Variants in MYL9 observed in about 807,000 individuals in gnomAD.
MYL9 encodes the protein myosin light chain 9.
MYL9 carries 7 observed loss-of-function variants against 12.8 expected under a neutral mutation model. The ratio of observed to expected loss-of-function variants is 0.55; its 90% CI spans 0.31 to 1.03. The LOEUF is 1.03. MYL9 is among the 50% of genes least tolerant of loss of function. MYL9 has a pLI of 0.05. For synonymous variants in MYL9, 81 were observed against 87.8 expected (o/e 0.92, Z 0.43); for missense variants, 190 against 242.7 (o/e 0.78, Z 1.44).
intron 1 of MYL9, among the ~76,000 whole-genome samples, chr20:36,544,268 G>T (rs980601463): frequency 6.6e-6 from 1 of 152,128 alleles, no homozygotes; most frequent in Non-Finnish European, 1.5e-5. Context: ...GGGTTTGACT[G>T]CCCAGAGCCT....
At chr20:36,546,286 G>T (rs892788905) in intron 2 of MYL9, among the ~76,000 whole-genome samples, 1 of 152,152 alleles carries the variant, frequency 6.6e-6, no homozygotes, top group East Asian at 1.9e-4. Flanking sequence ...CCCTCATGCC[G>T]AGTGACAGCA....
intron 2 of MYL9, among the ~76,000 whole-genome samples, chr20:36,547,405 G>C (rs1419270738): frequency 6.6e-6 from 1 of 152,210 alleles, no homozygotes; most frequent in African/African-American, 2.4e-5. Context: ...GGCTGCAATA[G>C]AAACCCAGCA....
Position 36,545,076 on chromosome 20 carries a change from G to A in MYL9, c.184+8G>A, listed in dbSNP as rs770279248. The A allele has an allele frequency of 5.0e-6, 8 of 1,613,052 alleles. No homozygotes were observed. In the East Asian group the frequency reaches 1.3e-4, roughly 27 times the overall value. ...ACATGCTGGCCTCGCTGGGTGAGCT[G>A]GGACAGGGACAGGGGTGAGATGGAT... On this transcript the variant is annotated splice_region_variant and intron_variant, in intron 2 of 3. Transcript: ENST00000279022.
intron 3 of MYL9, among the ~76,000 whole-genome samples, chr20:36,548,825 T>C (rs997067654): frequency 2.8e-4 from 42 of 152,138 alleles, no homozygotes; most frequent in African/African-American, 8.9e-4. Flanking sequence ...AAGTGACACC[T>C]CGGAGACAGT....
At chr20:36,546,864 T>C (rs540431462) in intron 2 of MYL9, among the ~76,000 whole-genome samples, 2 of 152,288 alleles carry the variant, frequency 1.3e-5, no homozygotes, top group East Asian at 3.9e-4. Flanking sequence ...CCCAAAGTAC[T>C]GGGATTACAG....
rs1177657199 is a variant in MYL9 at position 36,549,307 on chromosome 20, C to T, written c.*58C>T. On this transcript the variant is annotated 3_prime_UTR_variant, in exon 4 of 4. Coordinates refer to ENST00000279022, the MANE Select transcript of MYL9 (RefSeq NM_006097.5). ...CCAGTCACCCCTCCCCGCACACACC[C>T]GTCCATACCAGCTCCCTGCCCATGA... 16 of 1,405,056 alleles carry T rather than the reference C, an allele frequency of 1.1e-5. No homozygotes were observed. The highest frequency in any genetic ancestry group is 4.3e-5 in the African/African-American group (3 of 70,386). 87.0% of individuals were successfully genotyped at this position (1,405,056 alleles called of 1,614,324 possible). A position where few individuals can be genotyped will look rare whatever the true frequency, so the allele number is the denominator to read the frequency against.
Position 36,549,317 on chromosome 20 carries a change from A to T in MYL9, c.*68A>T. On this transcript the variant is annotated 3_prime_UTR_variant, in exon 4 of 4. Coordinates refer to ENST00000279022, the MANE Select transcript of MYL9 (RefSeq NM_006097.5). ...CTCCCCGCACACACCCGTCCATACC[A>T]GCTCCCTGCCCATGACCCTCGCTCA... 4 of 1,292,874 alleles carry T rather than the reference A, an allele frequency of 3.1e-6. No homozygotes were observed. Among genetic ancestry groups the T allele is most frequent in the Non-Finnish European group, 4.2e-6 (4 of 960,676 alleles). 80.1% of individuals were successfully genotyped at this position (1,292,874 alleles called of 1,614,324 possible). A position where few individuals can be genotyped will look rare whatever the true frequency, so the allele number is the denominator to read the frequency against.
Position 36,550,660 on chromosome 20 carries a change from G to A in MYL9, c.*1411G>A, listed in dbSNP as rs1176437581. 2.0e-5 allele frequency: 3 copies of A among 152,236 alleles called. No individual in the cohort carries two copies. Among genetic ancestry groups the A allele is most frequent in the Admixed American group, 1.3e-4 (2 of 15,278 alleles). 9.4% of individuals were successfully genotyped at this position (152,236 alleles called of 1,614,324 possible). A position where few individuals can be genotyped will look rare whatever the true frequency, so the allele number is the denominator to read the frequency against. On this transcript the variant is annotated 3_prime_UTR_variant, in exon 4 of 4. Coordinates refer to ENST00000279022, the MANE Select transcript of MYL9 (RefSeq NM_006097.5). ...GGAGCTGAGCACCAGGGGACCCTGT[G>A]CCTGACCAGGAGGCCCTAACCTCCT...
At chr20:36,545,841 A>AC (rs1192964083) in intron 2 of MYL9, among the ~76,000 whole-genome samples, 3 of 151,942 alleles carry the variant, frequency 2.0e-5, no homozygotes. Context: ...AATGGTGTGA[A>AC]CCTGGGAGGC....
intron 1 of MYL9, among the ~76,000 whole-genome samples, chr20:36,544,060 T>G (rs1007721038): frequency 6.6e-6 from 1 of 151,868 alleles, no homozygotes; most frequent in African/African-American, 2.4e-5. Flanking sequence ...TAGGTCAGGG[T>G]CTGTATGGGA....
rs2076693 is a variant in MYL9 at position 36,549,283 on chromosome 20, C to T, written c.*34C>T. On this transcript the variant is annotated 3_prime_UTR_variant, in exon 4 of 4. Coordinates refer to ENST00000279022, the MANE Select transcript of MYL9 (RefSeq NM_006097.5). The stretch of plus-strand genomic sequence containing the variant: ...AGCCCCCTGACACCCCAGCCCCCGC[C>T]AGTCACCCCTCCCCGCACACACCCG... 765 of 1,505,320 alleles carry T rather than the reference C, an allele frequency of 5.1e-4. 6 individuals are homozygous for T. The East Asian group carries it at 0.018, about 35-fold the overall frequency. The allele number at this position is 1,505,320 out of a possible 1,614,324, so 93.2% of individuals were successfully genotyped here. A position where few individuals can be genotyped will look rare whatever the true frequency, so the allele number is the denominator to read the frequency against.
At chr20:36,548,405 C>A (rs562808286) in intron 3 of MYL9, among the ~76,000 whole-genome samples, 1 of 152,358 alleles carries the variant, frequency 6.6e-6, no homozygotes, top group Admixed American at 6.5e-5. Flanking sequence ...ATCTCCCCCG[C>A]TGGCCCAATG....
At chr20:36,547,553 C>T (rs1349780416) in intron 2 of MYL9, among the ~76,000 whole-genome samples, 2 of 152,228 alleles carry the variant, frequency 1.3e-5, no homozygotes, top group Non-Finnish European at 2.9e-5. Flanking sequence ...GACAGCAAAG[C>T]ACTGTGTCTG....
rs2038156344 is a variant in MYL9 at position 36,550,544 on chromosome 20, TG to T, written c.*1297del. 1 of 152,642 alleles carries T rather than the reference TG, an allele frequency of 6.6e-6. No individual in the cohort carries two copies. Among genetic ancestry groups the T allele is most frequent in the African/African-American group, 2.4e-5 (1 of 41,320 alleles). The allele number at this position is 152,642 out of a possible 1,614,324, so 9.5% of individuals were successfully genotyped here. On this transcript the variant is annotated 3_prime_UTR_variant, in exon 4 of 4. Coordinates refer to ENST00000279022, the MANE Select transcript of MYL9 (RefSeq NM_006097.5). Reference sequence around the variant, plus strand: ...ACCCACCCCACCTGACCCCAGCGAGTGGACCCAGCTTGGTCCTGAGGCCTTC... The same window carrying T: ...ACCCACCCCACCTGACCCCAGCGAGTGACCCAGCTTGGTCCTGAGGCCTTC...
At chr20:36,549,024 G>A (rs1418640431) in intron 3 of MYL9, 53 bp from the exon 4 acceptor site, 24 of 1,564,080 alleles carry the variant, frequency 1.5e-5, no homozygotes, top group Non-Finnish European at 2.0e-5. Flanking sequence ...TGGGGCTGCT[G>A]TGTATGTCTC....
intron 1 of MYL9, among the ~76,000 whole-genome samples, chr20:36,544,522 A>C (rs1353030234): frequency 7.2e-5 from 11 of 152,208 alleles, no homozygotes; most frequent in Admixed American, 2.6e-4. Context: ...GCCCAATCCT[A>C]AGTGTTTTAC....
In MYL9 at chr20:36,549,330, T is replaced by A. The variant is rs2038143616; in HGVS notation, c.*81T>A. The A allele has an allele frequency of 8.3e-7, 1 of 1,200,580 alleles. No individual in the cohort carries two copies. Among genetic ancestry groups the A allele is most frequent in the Admixed American group, 2.5e-5 (1 of 40,186 alleles). The allele number at this position is 1,200,580 out of a possible 1,614,324, so 74.4% of individuals were successfully genotyped here. A position where few individuals can be genotyped will look rare whatever the true frequency, so the allele number is the denominator to read the frequency against. ...CCCGTCCATACCAGCTCCCTGCCCA[T>A]GACCCTCGCTCAGGGATCCCCCTTT... On this transcript the variant is annotated 3_prime_UTR_variant, in exon 4 of 4. Coordinates refer to ENST00000279022, the MANE Select transcript of MYL9 (RefSeq NM_006097.5).
At chr20:36,546,992 C>A (rs111320207) in intron 2 of MYL9, among the ~76,000 whole-genome samples, 1 of 152,174 alleles carries the variant, frequency 6.6e-6, no homozygotes, top group African/African-American at 2.4e-5. Flanking sequence ...AGTGTCCTGG[C>A]GTCACAGCTC....
intron 2 of MYL9, among the ~76,000 whole-genome samples, chr20:36,545,363 G>A (rs567364987): frequency 2.6e-5 from 4 of 151,968 alleles, no homozygotes; most frequent in Non-Finnish European, 4.4e-5. Flanking sequence ...CGAGCGTGGT[G>A]GCGGGCGCCT....
Sources: allele counts gnomAD v4.1 joint callset (sites outside exome capture counted in the v4.1 genomes callset), GRCh38; gene constraint gnomAD v4.1.1; transcripts MANE v1.5; gene names NCBI Gene and HGNC (gene_info 2026-07-23, HGNC 2026-07-21).